TSC22D3: variants seen among roughly 807,000 people sequenced by gnomAD.
TSC22D3 encodes the protein TSC22 domain family member 3.
TSC22D3 carries 4 observed loss-of-function variants against 11.1 expected under a neutral mutation model. That is an observed-to-expected ratio of 0.36 (90% CI 0.18 to 0.83). The LOEUF is 0.83. Ranked by LOEUF, TSC22D3 falls within the 40% of genes least tolerant of loss-of-function variation. The pLI is 0.48. For synonymous variants in TSC22D3, 77 were observed against 70.3 expected (o/e 1.10, Z -0.48); for missense variants, 118 against 159.4 (o/e 0.74, Z 1.40).
At chrX:107,759,752 C>G (rs1479056414) in intron 1 of TSC22D3, among the ~76,000 whole-genome samples, 1 of 112,704 alleles carries the variant, frequency 8.9e-6, no homozygotes, top group Non-Finnish European at 1.9e-5. Flanking sequence ...TAGTACAGTG[C>G]ACTCTCACGC....
intron 1 of TSC22D3, among the ~76,000 whole-genome samples, chrX:107,766,617 C>G (rs970960889): frequency 9.0e-6 from 1 of 110,761 alleles, no homozygotes; most frequent in African/African-American, 3.3e-5. Flanking sequence ...TTCCTCCCTG[C>G]CACCTCCAAA....
intron 1 of TSC22D3, among the ~76,000 whole-genome samples, chrX:107,756,606 A>G (rs1337051625): frequency 8.9e-6 from 1 of 112,256 alleles, no homozygotes; most frequent in Non-Finnish European, 1.9e-5. Flanking sequence ...TACAGTCCTG[A>G]GCCTGCCTCC....
intron 1 of TSC22D3, among the ~76,000 whole-genome samples, chrX:107,717,537 T>C (rs151231890): frequency 0.016 from 1,846 of 111,918 alleles, 36 homozygotes; most frequent in African/African-American, 0.056. Flanking sequence ...TCTAATCAAC[T>C]CAGCTTTCCC....
intron 1 of TSC22D3, among the ~76,000 whole-genome samples, chrX:107,742,673 T>C (rs1468267292): frequency 9.0e-6 from 1 of 111,182 alleles, no homozygotes; most frequent in Non-Finnish European, 1.9e-5. Flanking sequence ...CTTGAAGGCA[T>C]CCAAGGTCCC....
At chrX:107,745,423 T>G (rs1928605741) in intron 1 of TSC22D3, among the ~76,000 whole-genome samples, 1 of 112,504 alleles carries the variant, frequency 8.9e-6, no homozygotes, top group African/African-American at 3.2e-5. Context: ...TAATGTGTAT[T>G]AGCATATACC....
chrX:107,717,179 C>A, intron 1 of TSC22D3: 1 of 602,867 alleles, frequency 1.7e-6, no homozygotes, highest in Non-Finnish European at 2.0e-6. Context: ...ACCACATCCC[C>A]TCCCTGAACC....
chrX:107,774,811 G>A, intron 1 of TSC22D3: 1 of 377,904 alleles, frequency 2.6e-6, no homozygotes, highest in East Asian at 4.2e-5. Context: ...TGAGGAGCGG[G>A]TACTTTCAGC....
chrX:107,767,808 C>T (rs982492099), intron 1 of TSC22D3, among the ~76,000 whole-genome samples: 1 of 112,095 alleles, frequency 8.9e-6, no homozygotes, highest in African/African-American at 3.2e-5. Flanking sequence ...TACAGCAATG[C>T]CCTAACCCTT....
In TSC22D3 at chrX:107,768,260, G is replaced by A. The variant is rs367982095; in HGVS notation, c.320+6840C>T. Among the ~76,000 whole-genome samples the A allele has an allele frequency of 8.1e-4, 91 of 111,889 alleles. No homozygotes were observed. In the East Asian group the frequency reaches 0.018, roughly 22 times the overall value. ...AGAACTCTGCAGGGTTCCATCACCCGGGATGCCTAGAGGTCTTGGCAGTCT... is the reference window on the plus strand; with the variant it reads ...AGAACTCTGCAGGGTTCCATCACCCAGGATGCCTAGAGGTCTTGGCAGTCT... On this transcript the variant is annotated intron_variant, in intron 1 of 2. Coordinates refer to ENST00000372383, the MANE Select transcript of TSC22D3 (RefSeq NM_198057.3).
intron 1 of TSC22D3, among the ~76,000 whole-genome samples, chrX:107,741,998 G>T (rs767940257): frequency 9.0e-6 from 1 of 111,234 alleles, no homozygotes; most frequent in Admixed American, 9.5e-5. Flanking sequence ...AAGCACACCC[G>T]GAGCACGAGC....
intron 1 of TSC22D3, among the ~76,000 whole-genome samples, chrX:107,748,741 C>CT (rs998987731): frequency 1.8e-5 from 2 of 112,212 alleles, no homozygotes; most frequent in African/African-American, 6.5e-5. Context: ...AGCCCCTGCC[C>CT]TGGCGGCCTT....
chrX:107,733,284 T>C (rs73249859), intron 1 of TSC22D3, among the ~76,000 whole-genome samples: 10,582 of 111,202 alleles, frequency 0.095, 493 homozygotes, highest in African/African-American at 0.17. Context: ...ATGCATAACA[T>C]AGAGAGAGAG....
intron 1 of TSC22D3, among the ~76,000 whole-genome samples, chrX:107,721,094 G>A (rs922587334): frequency 8.9e-6 from 1 of 111,785 alleles, no homozygotes; most frequent in Non-Finnish European, 1.9e-5. Flanking sequence ...ACCTCACTGA[G>A]GAGCCAGGCC....
chrX:107,722,615 C>T (rs890392784), intron 1 of TSC22D3, among the ~76,000 whole-genome samples: 31 of 111,719 alleles, frequency 2.8e-4, no homozygotes, highest in African/African-American at 9.8e-4. Flanking sequence ...TTTCATGAAC[C>T]TTGTGTCAAT....
chrX:107,772,119 C>T (rs1005862854), intron 1 of TSC22D3, among the ~76,000 whole-genome samples: 3 of 111,678 alleles, frequency 2.7e-5, no homozygotes, highest in South Asian at 3.8e-4. Flanking sequence ...AAACCAAGAA[C>T]GAAGCTGGGA....
intron 1 of TSC22D3, among the ~76,000 whole-genome samples, chrX:107,740,592 G>C (rs1454773424): frequency 9.1e-6 from 1 of 110,076 alleles, no homozygotes; most frequent in Non-Finnish European, 1.9e-5. Flanking sequence ...AAAAAAAAAA[G>C]AGAGAGAGAA....
In TSC22D3 at chrX:107,714,660, G is replaced by A. The variant is rs1240440588; in HGVS notation, c.462C>T (p.Ser154=). Residue 154 remains serine (S), a synonymous_variant, in exon 3 of 3, where the codon TCC becomes TCT. Transcript: ENST00000372383. ...EQIRELVEKN[S]QLERENTLLK... Reference sequence around the variant, plus strand: ...ACAGGGTGTTCTCACGCTCTAGCTGGGAGTTCTTCTCCACCAGCTCTCGGA... The same window carrying A: ...ACAGGGTGTTCTCACGCTCTAGCTGAGAGTTCTTCTCCACCAGCTCTCGGA... The A allele has an allele frequency of 8.3e-7, 1 of 1,211,584 alleles. No individual in the cohort carries two copies. The highest frequency in any genetic ancestry group is 2.2e-5 in the Admixed American group (1 of 46,065).
intron 1 of TSC22D3, among the ~76,000 whole-genome samples, chrX:107,734,683 ACT>A (rs1355546553): frequency 2.7e-5 from 3 of 109,700 alleles, no homozygotes; most frequent in Non-Finnish European, 5.7e-5. Flanking sequence ...GAATGTGAAG[ACT>A]CTGAAGCAAG....
chrX:107,722,177 G>A, intron 1 of TSC22D3: 1 of 239,758 alleles, frequency 4.2e-6, no homozygotes, highest in Non-Finnish European at 7.5e-6. Flanking sequence ...GGAGAATGCA[G>A]ATGCAGATGC....
Sources: allele counts gnomAD v4.1 joint callset (sites outside exome capture counted in the v4.1 genomes callset), GRCh38; gene constraint gnomAD v4.1.1; transcripts MANE v1.5; gene names NCBI Gene and HGNC (gene_info 2026-07-23, HGNC 2026-07-21).